The following TEX2 variants were observed in gnomAD, a reference collection of about 807,000 sequenced individuals.
TEX2 encodes the protein testis expressed 2, also known as testis-expressed protein 2.
TEX2 carries 53 observed loss-of-function variants against 106.9 expected under a neutral mutation model. The observed-to-expected ratio is 0.50, with a 90% CI of 0.40 to 0.62. TEX2 has a LOEUF of 0.62. Ranked by LOEUF, TEX2 falls within the 20% of genes least tolerant of loss-of-function variation. TEX2 has a pLI of 0.00. For synonymous variants in TEX2, 523 were observed against 534.8 expected (o/e 0.98, Z 0.30); for missense variants, 1,207 against 1,379.0 (o/e 0.88, Z 1.98).
chr17:64,176,710 G>A (rs1005720214), intron 6 of TEX2, among the ~76,000 whole-genome samples: 2 of 152,160 alleles, frequency 1.3e-5, no homozygotes, highest in Non-Finnish European at 2.9e-5. Flanking sequence ...TCAGGAGAGA[G>A]CCCAAAATAA....
chr17:64,197,666 C>T (rs2032518439), intron 2 of TEX2, among the ~76,000 whole-genome samples: 1 of 152,150 alleles, frequency 6.6e-6, no homozygotes. Context: ...TCAATTAATC[C>T]TCCCACCTCA....
At chr17:64,175,469 C>T (rs2031581797) in intron 6 of TEX2, among the ~76,000 whole-genome samples, 1 of 152,236 alleles carries the variant, frequency 6.6e-6, no homozygotes, top group Non-Finnish European at 1.5e-5. Flanking sequence ...TGAAAACAGA[C>T]TTTCCCTCAA....
At chr17:64,244,943 C>A (rs954093293) in intron 1 of TEX2, among the ~76,000 whole-genome samples, 1 of 152,164 alleles carries the variant, frequency 6.6e-6, no homozygotes, top group Admixed American at 6.5e-5. Context: ...GAAAATCTCA[C>A]TTTCATTCCA....
At position 64,217,242 on chromosome 17, in the gene TEX2, G is replaced by A. The variant is rs971285461; in HGVS notation, c.-25-3000C>T. Among the ~76,000 whole-genome samples the A allele has an allele frequency of 1.3e-5, 2 of 152,112 alleles. No homozygotes were observed. The highest frequency in any genetic ancestry group is 4.8e-5 in the African/African-American group (2 of 41,424). Reference sequence around the variant, plus strand: ...GTCACTGCCTCTGCCTCCTCCTGGGGACCACTTCAAGTTCCCTCTTCTCTC... The same window carrying A: ...GTCACTGCCTCTGCCTCCTCCTGGGAACCACTTCAAGTTCCCTCTTCTCTC... On this transcript the variant is annotated intron_variant, in intron 1 of 11. Transcript: ENST00000584379. This position sits in a 1 kb window ranked among gnomAD's most constrained non-coding sequence, Gnocchi z 4.3.
chr17:64,213,869 A>G lies in TEX2; in HGVS notation c.349T>C (p.Leu117=). The change falls in exon 2 of 12, where the codon TTG becomes CTG. Residue 117 remains leucine, a synonymous_variant. Coordinates refer to ENST00000584379, the MANE Select transcript of TEX2 (RefSeq NM_001288732.2). The surrounding 1 kb of genome is among the most constrained non-coding windows in gnomAD (Gnocchi z 4.4). ...LPVSKNTVKL[L]ESPVPAAQVL... ...TGTGCTGCTGGAACAGGGGACTCCAACAGCTTTACAGTGTTCTTGGAGACG... is the reference window on the plus strand; with the variant it reads ...TGTGCTGCTGGAACAGGGGACTCCAGCAGCTTTACAGTGTTCTTGGAGACG... 1 of 1,614,234 alleles carries G rather than the reference A, an allele frequency of 6.2e-7. No individual in the cohort carries two copies. The highest frequency in any genetic ancestry group is 8.5e-7 in the Non-Finnish European group (1 of 1,180,034).
At chr17:64,242,715 T>C (rs1020844777) in intron 1 of TEX2, among the ~76,000 whole-genome samples, 4 of 152,168 alleles carry the variant, frequency 2.6e-5, no homozygotes, top group Non-Finnish European at 4.4e-5. Context: ...TTTCATAACG[T>C]ACTTTGTTAA....
chr17:64,259,665 AG>A (rs1201284374), intron 1 of TEX2, among the ~76,000 whole-genome samples: 3 of 152,198 alleles, frequency 2.0e-5, no homozygotes, highest in African/African-American at 7.2e-5. Flanking sequence ...AAATCTTACG[AG>A]ATGCTTCCCA....
chr17:64,213,928 C>T lies in TEX2; in HGVS notation c.290G>A (p.Gly97Glu). The stretch of plus-strand genomic sequence containing the variant: ...GGCAGGGGCCTGGGACACGGACAGT[C>T]CATCTGCCAGGACAGGCGAGGCAGC... ...GPAASPVLAD[G>E]LSVSQAPAIL... The change falls in exon 2 of 12, where the codon GGA becomes GAA. Residue 97 changes from glycine to glutamate, a missense_variant. Gly to Glu is a moderately conservative substitution (Grantham distance 98). This residue lies in a region of TEX2 where 1,067 missense variants were observed against 1,193.6 expected (regional missense o/e 0.89). Transcript: ENST00000584379. This position sits in a 1 kb window ranked among gnomAD's most constrained non-coding sequence, Gnocchi z 4.4. 1 of 1,614,208 alleles carries T rather than the reference C, an allele frequency of 6.2e-7. No individual in the cohort carries two copies. Among genetic ancestry groups the T allele is most frequent in the Non-Finnish European group, 8.5e-7 (1 of 1,180,038 alleles).
intron 1 of TEX2, among the ~76,000 whole-genome samples, chr17:64,251,307 C>A (rs1284183859): frequency 1.3e-5 from 2 of 152,186 alleles, no homozygotes; most frequent in Non-Finnish European, 2.9e-5. Context: ...ACCTAGAATG[C>A]TACTAAGTCA....
Position 64,171,142 on chromosome 17 carries a change from G to T in TEX2, c.2629C>A (p.Pro877Thr), listed in dbSNP as rs1420913693. The change falls in exon 7 of 12, where the codon CCA becomes ACA. Residue 877 changes from proline (P) to threonine (T), a missense_variant. Physicochemically the swap from Pro to Thr is conservative, Grantham distance 38. Coordinates refer to ENST00000584379, the MANE Select transcript of TEX2 (RefSeq NM_001288732.2). ...LTELDMGVAV[P>T]KILQAFKPYV... ...GGCTTGAAGGCCTGGAGGATTTTTG[G>T]CACAGCCACGCCCATGTCAAGTTCC... 6.2e-7 allele frequency: 1 copy of T among 1,614,030 alleles called. No homozygotes were observed. The highest frequency in any genetic ancestry group is 1.7e-5 in the Admixed American group (1 of 60,020).
At chr17:64,219,552 T>TAAAATAAAATAAAATAAAATAAAA in intron 1 of TEX2, among the ~76,000 whole-genome samples, 2 of 148,978 alleles carry the variant, frequency 1.3e-5, no homozygotes, top group South Asian at 4.5e-4. Context: ...TAAAATAAAA[T>TAAAATAAAATAAAATAAAATAAAA]ATCTAAAGGG....
rs1297291596 is a variant in TEX2 at position 64,224,186 on chromosome 17, G to A, written c.-25-9944C>T. Among the ~76,000 whole-genome samples the A allele has an allele frequency of 2.6e-5, 4 of 152,204 alleles. No individual in the cohort carries two copies. The East Asian group carries it at 7.7e-4, about 29-fold the overall frequency. On this transcript the variant is annotated intron_variant, in intron 1 of 11. Transcript: ENST00000584379. Reference sequence around the variant, plus strand: ...CTGGCAGAGGAAAAGAAGGCAAGCTGCATTCTATTGCAGAGGATGTCTTAA... The same window carrying A: ...CTGGCAGAGGAAAAGAAGGCAAGCTACATTCTATTGCAGAGGATGTCTTAA...
At position 64,153,260 on chromosome 17, in the gene TEX2, T is replaced by C. The variant is rs777504683; in HGVS notation, c.2931-106A>G. The C allele has an allele frequency of 1.3e-6, 1 of 774,350 alleles. No homozygotes were observed. The highest frequency in any genetic ancestry group is 2.1e-6 in the Non-Finnish European group (1 of 469,112). 48.0% of individuals were successfully genotyped at this position (774,350 alleles called of 1,614,324 possible). A position where few individuals can be genotyped will look rare whatever the true frequency, so the allele number is the denominator to read the frequency against. Reference sequence around the variant, plus strand: ...TTACTTTAGAGCACCACTCGATGTTTTGGATGTGGTGATTCTGTGTTGGGG... The same window carrying C: ...TTACTTTAGAGCACCACTCGATGTTCTGGATGTGGTGATTCTGTGTTGGGG... On this transcript the variant is annotated intron_variant, in intron 9 of 11. Coordinates refer to ENST00000584379, the MANE Select transcript of TEX2 (RefSeq NM_001288732.2). This position sits in a 1 kb window ranked among gnomAD's most constrained non-coding sequence, Gnocchi z 4.1.
chr17:64,176,819 C>G (rs73992999), intron 6 of TEX2, among the ~76,000 whole-genome samples: 48 of 152,236 alleles, frequency 3.2e-4, no homozygotes, highest in African/African-American at 1.0e-3. Flanking sequence ...GGGAAAGAGG[C>G]CTTAAGTAGT....
At chr17:64,257,238 A>C (rs1344004289) in intron 1 of TEX2, among the ~76,000 whole-genome samples, 1 of 152,180 alleles carries the variant, frequency 6.6e-6, no homozygotes, top group Non-Finnish European at 1.5e-5. Flanking sequence ...CACATTTCCC[A>C]TTCTCCCAGC....
chr17:64,176,687 C>T (rs2031630501), intron 6 of TEX2, among the ~76,000 whole-genome samples: 1 of 152,206 alleles, frequency 6.6e-6, no homozygotes, highest in Admixed American at 6.5e-5. Flanking sequence ...TGGATTAGCA[C>T]CAGAGTGTTT....
At chr17:64,235,668 A>G (rs2033751046) in intron 1 of TEX2, among the ~76,000 whole-genome samples, 1 of 152,206 alleles carries the variant, frequency 6.6e-6, no homozygotes, top group South Asian at 2.1e-4. Flanking sequence ...TTTCTTACAA[A>G]AAGTAAACCA....
At chr17:64,172,386 G>T (rs925767941) in intron 6 of TEX2, among the ~76,000 whole-genome samples, 3 of 150,630 alleles carry the variant, frequency 2.0e-5, no homozygotes, top group Non-Finnish European at 4.4e-5. Context: ...CACATCCTTT[G>T]ATCTCATGCT....
intron 7 of TEX2, among the ~76,000 whole-genome samples, 173 bp downstream of exon 7, chr17:64,170,927 G>A (rs1039350041): frequency 2.6e-5 from 4 of 152,130 alleles, no homozygotes; most frequent in African/African-American, 4.8e-5. Flanking sequence ...AAGCCACCAT[G>A]CCCGGCCCCA....
Sources: allele counts gnomAD v4.1 joint callset (sites outside exome capture counted in the v4.1 genomes callset), GRCh38; gene constraint gnomAD v4.1.1; regional missense constraint gnomAD v4.1.1; non-coding constraint Gnocchi (gnomAD v3.1); transcripts MANE v1.5; gene names NCBI Gene and HGNC (gene_info 2026-07-23, HGNC 2026-07-21).